The following FOXP2 variants were observed in gnomAD, a reference collection of about 807,000 sequenced individuals.
FOXP2 encodes forkhead box P2, also known as forkhead box protein P2.
FOXP2 carries 12 observed loss-of-function variants against 115.8 expected under a neutral mutation model. The ratio of observed to expected loss-of-function variants is 0.10; its 90% confidence interval spans 0.07 to 0.17. FOXP2 has a LOEUF of 0.17. FOXP2 is among the 10% of genes least tolerant of loss of function. The pLI is 1.00. For synonymous variants in FOXP2, 328 were observed against 297.7 expected, an observed-to-expected ratio of 1.10 and a Z score of -1.05; for missense variants, 629 against 843.5, an observed-to-expected ratio of 0.75 and a Z score of 3.15.
chr7:114,250,213 G>C (rs1795403964), intron 1 of FOXP2, among the ~76,000 whole-genome samples: 1 of 152,088 alleles, frequency 6.6e-6, no homozygotes, highest in Admixed American at 6.6e-5. Context: ...CATTTGGGTT[G>C]GTTCCAAGTC....
At chr7:114,469,901 G>A (rs1288583895) in intron 2 of FOXP2, among the ~76,000 whole-genome samples, 2 of 151,988 alleles carry the variant, frequency 1.3e-5, no homozygotes, top group African/African-American at 4.8e-5. Flanking sequence ...AATTATTTTG[G>A]TTTTGAAAGC....
chr7:114,520,415 A>C (rs771953543), intron 2 of FOXP2, among the ~76,000 whole-genome samples: 3 of 149,514 alleles, frequency 2.0e-5, no homozygotes, highest in Non-Finnish European at 4.5e-5. Context: ...AAACAAAAAG[A>C]CTTAAAAGCA....
chr7:114,348,944 A>G (rs1352495713), intron 2 of FOXP2, among the ~76,000 whole-genome samples: 1 of 152,090 alleles, frequency 6.6e-6, no homozygotes, highest in Admixed American at 6.6e-5. Flanking sequence ...AAATGGGCTC[A>G]TGATGGATTC....
At chr7:114,237,964 C>A (rs1437229395) in intron 1 of FOXP2, among the ~76,000 whole-genome samples, 1 of 152,008 alleles carries the variant, frequency 6.6e-6, no homozygotes, top group Non-Finnish European at 1.5e-5. Context: ...AGCGGCAGAG[C>A]GAGACTGCAT....
intron 1 of FOXP2, among the ~76,000 whole-genome samples, chr7:114,207,188 G>GT (rs1397477406): frequency 1.3e-5 from 2 of 152,102 alleles, no homozygotes; most frequent in Non-Finnish European, 2.9e-5. Context: ...GGGTATGCTA[G>GT]TTTTTATTTA....
intron 2 of FOXP2, among the ~76,000 whole-genome samples, chr7:114,387,755 A>G (rs539753454): frequency 2.6e-5 from 4 of 152,334 alleles, no homozygotes; most frequent in East Asian, 1.9e-4. Flanking sequence ...CTATTTCTTA[A>G]TGAAATCCTG....
chr7:114,314,778 G>A (rs1797233619), intron 2 of FOXP2, among the ~76,000 whole-genome samples: 1 of 152,142 alleles, frequency 6.6e-6, no homozygotes, highest in Non-Finnish European at 1.5e-5. Flanking sequence ...CAAATCAGGA[G>A]AATGATTTTC....
At chr7:114,231,438 G>A (rs774230967) in intron 1 of FOXP2, among the ~76,000 whole-genome samples, 2 of 152,086 alleles carry the variant, frequency 1.3e-5, no homozygotes, top group Non-Finnish European at 2.9e-5. Context: ...AGAAGAATAT[G>A]GCTGGAGACC....
At chr7:114,397,929 G>A (rs1792783212) in intron 2 of FOXP2, among the ~76,000 whole-genome samples, 1 of 152,126 alleles carries the variant, frequency 6.6e-6, no homozygotes, top group African/African-American at 2.4e-5. Flanking sequence ...GAATTGAAAT[G>A]ATATTCCAGC....
intron 1 of FOXP2, among the ~76,000 whole-genome samples, chr7:114,420,460 T>G (rs1282522347): frequency 6.6e-6 from 1 of 151,962 alleles, no homozygotes; most frequent in Non-Finnish European, 1.5e-5. Context: ...GGTTGCAGGA[T>G]TTGACAATTT....
Position 114,690,882 on chromosome 7 carries a change from G to A in FOXP2, c.*956G>A, listed in dbSNP as rs886061926. On this transcript the variant is annotated 3_prime_UTR_variant, in exon 17 of 17. Transcript: ENST00000350908. ...ACCTGCTGTTTTCTGATGACCTCTGGGATCTTTTCATTTAGCCCTAAACAA... is the reference window on the plus strand; with the variant it reads ...ACCTGCTGTTTTCTGATGACCTCTGAGATCTTTTCATTTAGCCCTAAACAA... 4.4e-6 allele frequency: 2 copies of A among 454,300 alleles called. No homozygotes were observed. Among genetic ancestry groups the A allele is most frequent in the Non-Finnish European group, 8.8e-6 (2 of 226,724 alleles). The allele number at this position is 454,300 out of a possible 1,614,324, so 28.1% of individuals were successfully genotyped here.
chr7:114,121,942 T>C (rs777113270), intron 1 of FOXP2, among the ~76,000 whole-genome samples: 8 of 152,064 alleles, frequency 5.3e-5, no homozygotes, highest in Non-Finnish European at 8.8e-5. Flanking sequence ...TGAAGAAACA[T>C]TGAAATATTG....
chr7:114,154,083 C>G (rs1481686555), intron 1 of FOXP2, among the ~76,000 whole-genome samples: 1 of 152,114 alleles, frequency 6.6e-6, no homozygotes, highest in Non-Finnish European at 1.5e-5. Context: ...TCTCATTTAG[C>G]AGCAACTTGA....
intron 1 of FOXP2, among the ~76,000 whole-genome samples, chr7:114,088,436 C>T (rs1483300068): frequency 2.0e-5 from 3 of 152,170 alleles, no homozygotes; most frequent in Non-Finnish European, 4.4e-5. Context: ...CAGGTAAGCC[C>T]AAGGGAGAAA....
intron 1 of FOXP2, among the ~76,000 whole-genome samples, chr7:114,268,086 T>C (rs573274174): frequency 8.5e-5 from 13 of 152,320 alleles, no homozygotes; most frequent in Admixed American, 6.5e-4. Context: ...CTAATTTTAC[T>C]CAGCATAATG....
chr7:114,219,672 G>C (rs887075888), intron 1 of FOXP2, among the ~76,000 whole-genome samples: 2 of 152,038 alleles, frequency 1.3e-5, no homozygotes, highest in Non-Finnish European at 2.9e-5. Context: ...ATATTTTAGT[G>C]AATATGATCC....
At chr7:114,273,192 T>C (rs1796110492) in intron 1 of FOXP2, among the ~76,000 whole-genome samples, 2 of 152,158 alleles carry the variant, frequency 1.3e-5, no homozygotes, top group East Asian at 3.9e-4. Context: ...GGTTTCTTCA[T>C]TGACCTGTGT....
chr7:114,287,581 T>C (rs1796497475), intron 1 of FOXP2, among the ~76,000 whole-genome samples: 1 of 151,998 alleles, frequency 6.6e-6, no homozygotes, highest in Admixed American at 6.6e-5. Context: ...ACTACCAATT[T>C]GTTAATTGTG....
intron 2 of FOXP2, among the ~76,000 whole-genome samples, chr7:114,349,324 T>C (rs1791422587): frequency 6.6e-6 from 1 of 152,026 alleles, no homozygotes; most frequent in South Asian, 2.1e-4. Context: ...GGATAAACCA[T>C]TACCGATACT....
Sources: allele counts gnomAD v4.1 joint callset (sites outside exome capture counted in the v4.1 genomes callset), GRCh38; gene constraint gnomAD v4.1.1; transcripts MANE v1.5; gene names NCBI Gene and HGNC (gene_info 2026-07-23, HGNC 2026-07-21).